Variants in SYT7 observed in about 807,000 individuals in gnomAD.
SYT7 encodes the protein synaptotagmin 7.
In SYT7, 29 loss-of-function variants were observed where a neutral mutation model predicts 75.1. That is an observed-to-expected ratio of 0.39 (90% confidence interval 0.29 to 0.53). SYT7 has a LOEUF of 0.53. Ranked by LOEUF, SYT7 falls within the 20% of genes least tolerant of loss-of-function variation. The probability of loss-of-function intolerance (pLI) is 0.77; values close to 1 mark genes in which losing one functional copy is unlikely to be tolerated. For missense variants in SYT7, 693 were observed against 953.2 expected, an observed-to-expected ratio of 0.73 and a Z score of 3.59; for synonymous variants, 376 against 401.7, an observed-to-expected ratio of 0.94 and a Z score of 0.76.
chr11:61,527,346 T>TA (rs1653897438), intron 9 of SYT7, among the ~76,000 whole-genome samples: 1 of 152,198 alleles, frequency 6.6e-6, no homozygotes. Flanking sequence ...TTATTATCTC[T>TA]ATTTTGTAGA....
chr11:61,518,744 G>A lies in SYT7; in HGVS notation c.1957-13C>T. The A allele has an allele frequency of 6.6e-7, 1 of 1,523,744 alleles. No individual in the cohort carries two copies. The highest frequency in any genetic ancestry group is 8.9e-7 in the Non-Finnish European group (1 of 1,127,584). 94.4% of individuals were successfully genotyped at this position (1,523,744 alleles called of 1,614,324 possible). ...AGGACAGGTAGATCTGGGGAGAAAG[G>A]GGAGACGATGGCATCGGCACAGGCT... On this transcript the variant is annotated splice_polypyrimidine_tract_variant and intron_variant, in intron 12 of 12. Coordinates refer to ENST00000539008, the MANE Select transcript of SYT7 (RefSeq NM_001365809.2).
chr11:61,541,072 T>A (rs1590875830), intron 6 of SYT7: 1 of 985,138 alleles, frequency 1.0e-6, no homozygotes, highest in African/African-American at 1.7e-5. Flanking sequence ...TCGGGTGGGG[T>A]GTCTCTCCCA....
chr11:61,557,230 C>CATG (rs1264218695), intron 1 of SYT7, among the ~76,000 whole-genome samples: 1 of 152,236 alleles, frequency 6.6e-6, no homozygotes, highest in African/African-American at 2.4e-5. Context: ...ATAGATCACA[C>CATG]ATGCGCTATC....
At chr11:61,585,751 T>G (rs2064373574), upstream of SYT7, among the ~76,000 whole-genome samples, 1 of 152,094 alleles carries the variant, frequency 6.6e-6, no homozygotes, top group South Asian at 2.1e-4. Context: ...CTTGTCACAC[T>G]TCTGCCAGGT....
chr11:61,530,332 CGA>C (rs1174294664), intron 8 of SYT7, among the ~76,000 whole-genome samples: 1 of 152,194 alleles, frequency 6.6e-6, no homozygotes, highest in Admixed American at 6.5e-5. Context: ...ACCCCTTGGC[CGA>C]TCCAGACAAA....
At chr11:61,556,749 C>T (rs2063511074) in intron 1 of SYT7, among the ~76,000 whole-genome samples, 1 of 152,218 alleles carries the variant, frequency 6.6e-6, no homozygotes, top group Non-Finnish European at 1.5e-5. Context: ...TCTTGCTTCC[C>T]AAGACTCACC....
rs59792547 is a variant in SYT7, at chr11:61,528,337, T to C, written c.1201-152A>G. 0.01 allele frequency: 9,797 copies of C among 938,702 alleles called. 601 individuals carry two copies. The African/African-American group carries it at 0.14, about 13-fold the overall frequency. 58.1% of individuals were successfully genotyped at this position (938,702 alleles called of 1,614,324 possible). ...TGCTCAGGCTCAGAGGGCAGGTGCC[T>C]TGACCAGGGTCTCCCAGGAGGGGAG... On this transcript the variant is annotated intron_variant, in intron 8 of 12. Coordinates refer to ENST00000539008, the MANE Select transcript of SYT7 (RefSeq NM_001365809.2).
intron 1 of SYT7, among the ~76,000 whole-genome samples, chr11:61,565,151 TC>T (rs1369420155): frequency 6.6e-6 from 1 of 152,100 alleles, no homozygotes; most frequent in African/African-American, 2.4e-5. Context: ...CCCACCCCCA[TC>T]TTTTGGTGGC....
At chr11:61,575,695 G>C (rs1275471902) in intron 1 of SYT7, among the ~76,000 whole-genome samples, 1 of 152,170 alleles carries the variant, frequency 6.6e-6, no homozygotes. Flanking sequence ...GTACAGGGCC[G>C]GGGGAGGGGC....
At position 61,546,508 on chromosome 11, in the gene SYT7, C is replaced by A. The variant is rs1266223030; in HGVS notation, c.348-253G>T. 8.5e-6 allele frequency: 3 copies of A among 354,346 alleles called. No homozygotes were observed. The highest frequency in any genetic ancestry group is 8.4e-5 in the East Asian group (1 of 11,886). 22.0% of individuals were successfully genotyped at this position (354,346 alleles called of 1,614,324 possible). A position where few individuals can be genotyped will look rare whatever the true frequency, so the allele number is the denominator to read the frequency against. On this transcript the variant is annotated intron_variant, in intron 4 of 12. Coordinates refer to ENST00000539008, the MANE Select transcript of SYT7 (RefSeq NM_001365809.2). The surrounding 1 kb of genome is among the most constrained non-coding windows in gnomAD (Gnocchi z 7.6). ...CTGCAGAGGAGAGAGGGGGACCGGG[C>A]GGGCTGGGGGTCGGAGAACAACGCA...
the SYT7 span, among the ~76,000 whole-genome samples, chr11:61,586,625 C>T: frequency 3.0e-4 from 45 of 152,322 alleles, 1 homozygote; most frequent in South Asian, 9.3e-3. Flanking sequence ...ACAGACACAA[C>T]ATTTTGCCCA....
upstream of SYT7, chr11:61,581,273 G>C (rs930483978): frequency 6.8e-6 from 1 of 147,538 alleles, no homozygotes; most frequent in African/African-American, 2.5e-5. Context: ...CCGAGGGCAC[G>C]GCCGCCGCCC....
At chr11:61,533,326 TA>T (rs2062768074) in intron 7 of SYT7, 1 of 985,314 alleles carries the variant, frequency 1.0e-6, no homozygotes, top group African/African-American at 1.7e-5. Context: ...TTGCAGCCTC[TA>T]CCCCAGGCGA....
At chr11:61,541,347 G>A (rs769322649) in intron 6 of SYT7, 4 of 975,216 alleles carry the variant, frequency 4.1e-6, no homozygotes, top group Non-Finnish European at 3.7e-6. Flanking sequence ...TGTTGGGGAT[G>A]GCAGCCCAGA....
chr11:61,520,135 C>T (rs1325278809), intron 12 of SYT7, among the ~76,000 whole-genome samples: 1 of 136,182 alleles, frequency 7.3e-6, no homozygotes, highest in Admixed American at 7.7e-5. Flanking sequence ...CGTGATCTGC[C>T]CGCCTTGGCC....
chr11:61,583,824 G>C (rs998237322), upstream of SYT7, among the ~76,000 whole-genome samples: 1 of 152,158 alleles, frequency 6.6e-6, no homozygotes, highest in Non-Finnish European at 1.5e-5. Flanking sequence ...GGGAATCTTG[G>C]GTAGTTTTTA....
rs186897897 is a variant in SYT7 at position 61,567,988 on chromosome 11, T to C, written c.32-11781A>G. 1.8e-3 allele frequency among the ~76,000 whole-genome samples: 278 copies of C among 152,276 alleles called. 1 individual carries two copies. The highest frequency in any genetic ancestry group is 6.4e-3 in the African/African-American group (264 of 41,574). ...AAACTTCCTGCTCCCTCCTCCAAGG[T>C]GGGTGGGGAAGGCTTGTTTAAACAA... On this transcript the variant is annotated intron_variant, in intron 1 of 12. Coordinates refer to ENST00000539008, the MANE Select transcript of SYT7 (RefSeq NM_001365809.2).
At position 61,551,598 on chromosome 11, in the gene SYT7, G is replaced by A; in HGVS notation, c.136-135C>T. 1 of 850,284 alleles carries A rather than the reference G, an allele frequency of 1.2e-6. No individual in the cohort carries two copies. Among genetic ancestry groups the A allele is most frequent in the Non-Finnish European group, 1.8e-6 (1 of 541,548 alleles). The allele number at this position is 850,284 out of a possible 1,614,324, so 52.7% of individuals were successfully genotyped here. A position where few individuals can be genotyped will look rare whatever the true frequency, so the allele number is the denominator to read the frequency against. ...AACAAGGCCAGGACCAGTGTGCGAG[G>A]CTGTCACCGCGGTGGGGGCCAATCC... On this transcript the variant is annotated intron_variant, in intron 2 of 12. Transcript: ENST00000539008. This position sits in a 1 kb window ranked among gnomAD's most constrained non-coding sequence, Gnocchi z 5.3.
Position 61,523,276 on chromosome 11 carries a change from TAGGGG to T in SYT7, c.1757-7_1757-3del. 6.2e-7 allele frequency: 1 copy of T among 1,614,042 alleles called. No individual in the cohort carries two copies. The highest frequency in any genetic ancestry group is 8.5e-7 in the Non-Finnish European group (1 of 1,180,002). On this transcript the variant is annotated splice_region_variant and splice_polypyrimidine_tract_variant and intron_variant, in intron 11 of 12. Coordinates refer to ENST00000539008, the MANE Select transcript of SYT7 (RefSeq NM_001365809.2). This position sits in a 1 kb window ranked among gnomAD's most constrained non-coding sequence, Gnocchi z 5.0. ...TCAGCCATACCTTCACGTAGGGGTCTAGGGGAGGGAGTGGGGAAGGGTTAGAGGGA... is the reference window on the plus strand; with the variant it reads ...TCAGCCATACCTTCACGTAGGGGTCTAGGGAGTGGGGAAGGGTTAGAGGGA...
Sources: allele counts gnomAD v4.1 joint callset (sites outside exome capture counted in the v4.1 genomes callset), GRCh38; gene constraint gnomAD v4.1.1; non-coding constraint Gnocchi (gnomAD v3.1); transcripts MANE v1.5; gene names NCBI Gene and HGNC (gene_info 2026-07-23, HGNC 2026-07-21).